VRK3: variants seen among roughly 807,000 people sequenced by gnomAD.
VRK3 encodes the protein serine/threonine-protein kinase VRK3.
Under a neutral mutation model 60.4 loss-of-function variants are expected in VRK3, and 50 were observed. The ratio of observed to expected loss-of-function variants is 0.83; its 90% CI spans 0.66 to 1.05. The LOEUF is 1.05. Ranked by LOEUF, VRK3 falls within the 50% of genes least tolerant of loss-of-function variation. VRK3 has a pLI of 0.00. For synonymous variants in VRK3, 246 were observed against 227.8 expected, an observed-to-expected ratio of 1.08 and a Z score of -0.72; for missense variants, 549 against 585.3, an observed-to-expected ratio of 0.94 and a Z score of 0.64.
chr19:49,996,217 G>GC, intron 7 of VRK3, among the ~76,000 whole-genome samples: 1 of 148,984 alleles, frequency 6.7e-6, no homozygotes, highest in African/African-American at 2.6e-5. Flanking sequence ...ACCACGCCCG[G>GC]CCTTTTTTTT....
chr19:50,004,374 C>G (rs987897369), intron 5 of VRK3, among the ~76,000 whole-genome samples: 1 of 152,050 alleles, frequency 6.6e-6, no homozygotes, highest in African/African-American at 2.4e-5. Flanking sequence ...CTGTGCTCCT[C>G]GGCCCCTCAT....
chr19:50,021,696 G>C (rs966299898), intron 1 of VRK3, among the ~76,000 whole-genome samples: 9 of 152,168 alleles, frequency 5.9e-5, no homozygotes, highest in African/African-American at 2.2e-4. Flanking sequence ...CACAAGAAAT[G>C]GTGGTTCTAC....
intron 6 of VRK3, 48 bp from the exon 7 acceptor site, chr19:49,997,618 A>G (rs751372220): frequency 1.2e-6 from 2 of 1,607,000 alleles, no homozygotes; most frequent in African/African-American, 1.3e-5. Context: ...GAAGTCTCAG[A>G]TAAGGGCCCC....
At chr19:50,015,762 A>G (rs745859630) in intron 3 of VRK3, 3 of 473,542 alleles carry the variant, frequency 6.3e-6, no homozygotes, top group South Asian at 3.6e-5. Flanking sequence ...GGCTGCACAT[A>G]TATCTCCTCC....
At chr19:49,992,839 T>C in intron 10 of VRK3, 21 bp downstream of exon 10, 2 of 1,611,428 alleles carry the variant, frequency 1.2e-6, no homozygotes, top group Non-Finnish European at 1.7e-6. Context: ...TCTTCCAGAG[T>C]GGGCAGGAGC....
At chr19:49,992,770 TA>T (rs1418334744) in intron 10 of VRK3, 89 bp downstream of exon 10, 1 of 1,234,278 alleles carries the variant, frequency 8.1e-7, no homozygotes, top group African/African-American at 1.5e-5. Flanking sequence ...CCTTTGTCTG[TA>T]ATAAGCACTA....
chr19:50,017,934 T>TGTA (rs2077104414), intron 2 of VRK3, among the ~76,000 whole-genome samples: 1 of 152,234 alleles, frequency 6.6e-6, no homozygotes, highest in Non-Finnish European at 1.5e-5. Context: ...CTGCTGGGAT[T>TGTA]GTAGGCATGA....
chr19:50,007,673 G>A lies in VRK3; in HGVS notation c.443C>T (p.Ser148Leu), dbSNP rs1336671925. The change falls in exon 5 of 15, where the codon TCA becomes TTA. Residue 148 changes from serine to leucine, a missense_variant. Ser to Leu is a moderately radical substitution (Grantham distance 145, BLOSUM62 -2). Transcript: ENST00000316763. The stretch of plus-strand genomic sequence containing the variant: ...TGTCCCTGTGGGCAAAGCTTCAAGT[G>A]AGGTGGTCACTCGGCTCCGCTTCAG... ...QTLKRSRVTT[S>L]LEALPTGTVL... 2.5e-6 allele frequency: 4 copies of A among 1,614,198 alleles called. No individual in the cohort carries two copies. The African/African-American group carries it at 4.0e-5, about 16-fold the overall frequency.
chr19:50,017,386 C>T (rs993941783), intron 2 of VRK3, among the ~76,000 whole-genome samples: 3 of 151,458 alleles, frequency 2.0e-5, no homozygotes, highest in African/African-American at 7.3e-5. Flanking sequence ...ACCAACCTGA[C>T]CAACATGGAG....
At chr19:50,002,379 C>T (rs1442421945) in intron 5 of VRK3, among the ~76,000 whole-genome samples, 1 of 151,976 alleles carries the variant, frequency 6.6e-6, no homozygotes, top group African/African-American at 2.4e-5. Flanking sequence ...ACCCGCATCT[C>T]GGGGAAAGAA....
At chr19:49,986,643 A>C (rs565554625) in intron 12 of VRK3, 2 of 152,442 alleles carry the variant, frequency 1.3e-5, no homozygotes, top group East Asian at 3.9e-4. Flanking sequence ...AAATAAAACG[A>C]GAAAGGCTTC....
chr19:49,983,739 A>C (rs2076463428), intron 12 of VRK3, among the ~76,000 whole-genome samples: 1 of 152,238 alleles, frequency 6.6e-6, no homozygotes, highest in Non-Finnish European at 1.5e-5. Flanking sequence ...GAATGGAAAA[A>C]GGCCATGTAT....
intron 12 of VRK3, chr19:49,981,877 A>C: frequency 8.6e-7 from 1 of 1,157,158 alleles, no homozygotes; most frequent in Non-Finnish European, 1.1e-6. Flanking sequence ...CATTTTGAGG[A>C]GATTTTAACT....
chr19:49,993,908 C>T (rs1256345571), intron 9 of VRK3, among the ~76,000 whole-genome samples: 2 of 152,108 alleles, frequency 1.3e-5, no homozygotes, highest in Admixed American at 6.5e-5. Context: ...AGTCCCTCCC[C>T]ATATGGCCCC....
At chr19:49,997,614 T>A (rs1490515825) in intron 6 of VRK3, 44 bp from the exon 7 acceptor site, 1 of 1,608,594 alleles carries the variant, frequency 6.2e-7, no homozygotes, top group Non-Finnish European at 8.5e-7. Flanking sequence ...CACTGAAGTC[T>A]CAGATAAGGG....
At chr19:50,010,922 AC>A (rs995233654) in intron 3 of VRK3, among the ~76,000 whole-genome samples, 4 of 151,958 alleles carry the variant, frequency 2.6e-5, no homozygotes, top group African/African-American at 9.7e-5. Flanking sequence ...CAAAACAAAA[AC>A]AAAAACAAAA....
chr19:50,023,187 T>C (rs1283668988), intron 1 of VRK3, among the ~76,000 whole-genome samples: 1 of 152,224 alleles, frequency 6.6e-6, no homozygotes, highest in East Asian at 1.9e-4. Flanking sequence ...ACTGTGTTTT[T>C]TCTTTTCTTT....
At chr19:50,015,210 A>T (rs1432634136) in intron 3 of VRK3, among the ~76,000 whole-genome samples, 1 of 152,204 alleles carries the variant, frequency 6.6e-6, no homozygotes, top group East Asian at 1.9e-4. Flanking sequence ...CAGGCTGAGC[A>T]TCCCAAATCC....
At chr19:49,992,704 C>T (rs930361997) in intron 10 of VRK3, among the ~76,000 whole-genome samples, 156 bp downstream of exon 10, 3 of 152,098 alleles carry the variant, frequency 2.0e-5, no homozygotes, top group African/African-American at 7.2e-5. Flanking sequence ...CATTTTCCTA[C>T]TAAGTTGCTT....
Sources: allele counts gnomAD v4.1 joint callset (sites outside exome capture counted in the v4.1 genomes callset), GRCh38; gene constraint gnomAD v4.1.1; transcripts MANE v1.5; gene names NCBI Gene and HGNC (gene_info 2026-07-23, HGNC 2026-07-21).